The following C4BPA variants were observed in gnomAD, a reference collection of about 807,000 sequenced individuals.
The protein encoded by C4BPA is C4b-binding protein alpha chain.
A neutral mutation model predicts 63.7 loss-of-function variants in C4BPA; 31 were observed. The observed-to-expected ratio is 0.49, with a 90% CI of 0.37 to 0.66. C4BPA has a LOEUF of 0.66. Among genes scored for constraint, C4BPA ranks in the 30% least tolerant of loss-of-function variants. The pLI is 0.00. For missense variants in C4BPA, 572 were observed against 723.3 expected, an observed-to-expected ratio of 0.79 and a Z score of 2.40; for synonymous variants, 259 against 254.7, an observed-to-expected ratio of 1.02 and a Z score of -0.16.
Position 207,143,852 on chromosome 1 carries a change from G to T in C4BPA, c.1479G>T (p.Arg493Ser). 6 of 1,613,582 alleles carry T rather than the reference G, an allele frequency of 3.7e-6. 1 individual carries two copies. The highest frequency in any genetic ancestry group is 5.1e-6 in the Non-Finnish European group (6 of 1,179,630). The change falls in exon 11 of 12, where the codon AGG becomes AGT. Residue 493 changes from arginine to serine, a missense_variant. Arg to Ser is a moderately radical substitution (Grantham distance 110). Around this residue, in one of 2 missense-constraint regions of C4BPA, gnomAD observed 465 missense variants for 629.4 expected, o/e 0.74. Transcript: ENST00000367070. ...GGAAACCAGAATTAGTGAATGGAAG[G>T]TTGTCTGTGGATAAGGATCAGTATG... is the stretch of plus-strand genomic sequence containing the variant. ...LCRKPELVNG[R>S]LSVDKDQYVE...
At chr1:207,125,011 A>G (rs1685006368) in intron 6 of C4BPA, among the ~76,000 whole-genome samples, 1 of 152,268 alleles carries the variant, frequency 6.6e-6, no homozygotes, top group African/African-American at 2.4e-5. Flanking sequence ...CAGAAGGGCA[A>G]CAGGACAAAG....
intron 3 of C4BPA, 43 bp downstream of exon 3, chr1:207,114,328 T>A (rs773848071): frequency 6.8e-7 from 1 of 1,466,518 alleles, no homozygotes; most frequent in Non-Finnish European, 9.3e-7. Context: ...TTTCCTATCT[T>A]TGGAAAGTTG....
intron 1 of C4BPA, among the ~76,000 whole-genome samples, chr1:207,111,223 A>AG (rs1353064303): frequency 2.0e-5 from 3 of 152,162 alleles, no homozygotes; most frequent in African/African-American, 7.2e-5. Flanking sequence ...GGGAAAAAAG[A>AG]GGGGGAAACT....
chr1:207,140,515 T>C (rs1685391868), intron 9 of C4BPA, among the ~76,000 whole-genome samples: 2 of 152,094 alleles, frequency 1.3e-5, no homozygotes, highest in South Asian at 4.1e-4. Context: ...TTTTTTTTTT[T>C]TAACTTTCTC....
At chr1:207,137,693 C>T (rs1006863069) in intron 9 of C4BPA, among the ~76,000 whole-genome samples, 12 of 152,150 alleles carry the variant, frequency 7.9e-5, no homozygotes, top group Non-Finnish European at 1.3e-4. Context: ...TCTCGGCTCA[C>T]GGCAACCTCC....
At chr1:207,127,075 A>G in intron 7 of C4BPA, 180 bp downstream of exon 7, 1 of 515,496 alleles carries the variant, frequency 1.9e-6, no homozygotes, top group Non-Finnish European at 3.4e-6. Context: ...TGCACTCTGC[A>G]AGGTCATATA....
intron 1 of C4BPA, among the ~76,000 whole-genome samples, chr1:207,108,402 G>A (rs937816955): frequency 1.3e-5 from 2 of 152,142 alleles, no homozygotes; most frequent in African/African-American, 2.4e-5. Context: ...ATCCAGGAAC[G>A]ACTCCTTTGT....
intron 11 of C4BPA, 66 bp downstream of exon 11, chr1:207,144,059 C>A (rs1052852699): frequency 1.4e-5 from 16 of 1,120,920 alleles, no homozygotes; most frequent in Non-Finnish European, 1.9e-5. Flanking sequence ...TCCCCCAGAG[C>A]TCTGTACCAC....
rs557873359 is a variant in C4BPA, at chr1:207,119,457, C to T, written c.428+3942C>T. 1.9e-4 allele frequency among the ~76,000 whole-genome samples: 18 copies of T among 93,450 alleles called. 5 individuals carry two copies. The highest frequency in any genetic ancestry group is 5.4e-4 in the African/African-American group (18 of 33,492). 61.3% of individuals were successfully genotyped at this position (93,450 alleles called of 152,430 possible). A position where few individuals can be genotyped will look rare whatever the true frequency, so the allele number is the denominator to read the frequency against. ...GCTAAGTTGACACAACATAAATCTA[C>T]CACAGCTCACTCCTTGTCAAATGTG... On this transcript the variant is annotated intron_variant, in intron 4 of 11. Transcript: ENST00000367070.
intron 9 of C4BPA, among the ~76,000 whole-genome samples, chr1:207,137,522 T>C (rs760968502): frequency 6.6e-6 from 1 of 152,234 alleles, no homozygotes; most frequent in Non-Finnish European, 1.5e-5. Context: ...GATTTTCTGA[T>C]TGGTAATTGG....
rs757122192 is a variant in C4BPA at position 207,106,441 on chromosome 1, G to GTTTTTTT, written c.-26+2021_-26+2027dup. ...CTGTCTTATTCCTTCCTCCGTGTAA[G>GTTTTTTT]TTTTTTTTTTTTTTTTGAAACGGAG... On this transcript the variant is annotated intron_variant, in intron 1 of 11. Coordinates refer to ENST00000367070, the MANE Select transcript of C4BPA (RefSeq NM_000715.4). Among the ~76,000 whole-genome samples, 11 of 118,440 alleles carry GTTTTTTT rather than the reference G, an allele frequency of 9.3e-5. 1 individual carries two copies. Among genetic ancestry groups the GTTTTTTT allele is most frequent in the African/African-American group, 3.7e-4 (10 of 27,002 alleles). The allele number at this position is 118,440 out of a possible 152,430, so 77.7% of individuals were successfully genotyped here.
intron 1 of C4BPA, among the ~76,000 whole-genome samples, chr1:207,104,837 T>C (rs965885786): frequency 6.6e-6 from 1 of 152,204 alleles, no homozygotes; most frequent in African/African-American, 2.4e-5. Flanking sequence ...GTCTACATTC[T>C]GAAAACTGGG....
In C4BPA at chr1:207,131,688, GA is replaced by G. The variant is rs1558094737; in HGVS notation, c.1033del (p.Thr345LeufsTer2). The part of the protein sequence containing the change: ...GYKPTTDEPT[T>X]VICQKNLRWT... The stretch of plus-strand genomic sequence containing the variant: ...ACAAACCCACTACAGATGAGCCTAC[GA>G]CTGTGATTTGTCAGAAAAATTTGAG... On this transcript the variant is annotated frameshift_variant, in exon 8 of 12. Coordinates refer to ENST00000367070, the MANE Select transcript of C4BPA (RefSeq NM_000715.4). LOFTEE classifies it high-confidence loss of function. The G allele has an allele frequency of 6.2e-7, 1 of 1,613,866 alleles. No homozygotes were observed. The highest frequency in any genetic ancestry group is 8.5e-7 in the Non-Finnish European group (1 of 1,179,910).
chr1:207,142,117 T>A (rs1572801674), intron 10 of C4BPA, among the ~76,000 whole-genome samples: 1 of 145,574 alleles, frequency 6.9e-6, no homozygotes, highest in African/African-American at 2.5e-5. Flanking sequence ...CCCCTCCCTG[T>A]GTCCATGTGT....
At chr1:207,127,988 G>A (rs72742944) in intron 7 of C4BPA, among the ~76,000 whole-genome samples, 4,859 of 152,174 alleles carry the variant, frequency 0.032, 125 homozygotes, top group Non-Finnish European at 0.051. Context: ...ATATTGAATC[G>A]GTGCCAGCAA....
At chr1:207,123,266 C>T (rs962608041) in intron 4 of C4BPA, among the ~76,000 whole-genome samples, 14 of 152,252 alleles carry the variant, frequency 9.2e-5, no homozygotes, top group Middle Eastern at 3.4e-3. Flanking sequence ...TCAATAAATT[C>T]CACAGGCTCT....
At chr1:207,123,253 T>C (rs1173055097) in intron 4 of C4BPA, among the ~76,000 whole-genome samples, 1 of 152,244 alleles carries the variant, frequency 6.6e-6, no homozygotes, top group Non-Finnish European at 1.5e-5. Context: ...TTGAAGTTAT[T>C]ATTCAATAAA....
At position 207,139,956 on chromosome 1, in the gene C4BPA, T is replaced by C. The variant is rs147940641; in HGVS notation, c.1274-1150T>C. Among the ~76,000 whole-genome samples, 145 of 152,334 alleles carry C rather than the reference T, an allele frequency of 9.5e-4. No homozygotes were observed. In the East Asian group the frequency reaches 0.026, roughly 28 times the overall value. On this transcript the variant is annotated intron_variant, in intron 9 of 11. Coordinates refer to ENST00000367070, the MANE Select transcript of C4BPA (RefSeq NM_000715.4). Reference sequence around the variant, plus strand: ...CTTGATCATCCATCCTTAATTTCTTTTGATGGTACAAATAAAGTGTATATT... The same window carrying C: ...CTTGATCATCCATCCTTAATTTCTTCTGATGGTACAAATAAAGTGTATATT...
intron 9 of C4BPA, among the ~76,000 whole-genome samples, chr1:207,134,858 TTC>T (rs1645238751): frequency 6.6e-6 from 1 of 152,252 alleles, no homozygotes; most frequent in Admixed American, 6.5e-5. Flanking sequence ...CTTTGTATTA[TTC>T]TCTTTCTTCC....
Sources: gnomAD v4.1 joint callset for allele counts (sites outside exome capture counted in the v4.1 genomes callset) on GRCh38, gnomAD v4.1.1 for gene constraint, gnomAD v4.1.1 regional missense constraint, MANE v1.5 for transcripts, NCBI Gene and HGNC (gene_info 2026-07-23, HGNC 2026-07-21) for gene names.